The following ASPH variants were observed in gnomAD, a reference collection of about 807,000 sequenced individuals.
ASPH encodes aspartate beta-hydroxylase.
ASPH carries 100 observed loss-of-function variants against 118.4 expected under a neutral mutation model. The ratio of observed to expected loss-of-function variants is 0.84; its 90% CI spans 0.72 to 1.00. The LOEUF (loss-of-function observed/expected upper bound fraction) is 1.00. Among genes scored for constraint, ASPH ranks in the 50% least tolerant of loss-of-function variants. The pLI is 0.00. For missense variants in ASPH, 920 were observed against 919.5 expected (o/e 1.00, Z -0.01); for synonymous variants, 315 against 325.6 (o/e 0.97, Z 0.35).
intron 21 of ASPH, among the ~76,000 whole-genome samples, chr8:61,538,038 T>G (rs1382591391): frequency 6.6e-6 from 1 of 152,194 alleles, no homozygotes. Flanking sequence ...GGAACATCCA[T>G]GATGGAAGGC....
At chr8:61,569,692 T>C (rs1425042470) in intron 16 of ASPH, among the ~76,000 whole-genome samples, 1 of 152,128 alleles carries the variant, frequency 6.6e-6, no homozygotes, top group Non-Finnish European at 1.5e-5. Flanking sequence ...GACAGATTTA[T>C]GAGAAAGAAA....
chr8:61,665,012 G>A (rs1818818791), intron 3 of ASPH: 1 of 1,239,510 alleles, frequency 8.1e-7, no homozygotes, highest in Non-Finnish European at 1.0e-6. Flanking sequence ...CTGAATACAT[G>A]ATCAATAAAT....
intron 1 of ASPH, among the ~76,000 whole-genome samples, chr8:61,684,980 AG>A (rs1457565825): frequency 3.3e-5 from 5 of 152,306 alleles, no homozygotes; most frequent in African/African-American, 1.2e-4. Flanking sequence ...ATAAATAAAA[AG>A]AATAAATAAT....
intron 10 of ASPH, among the ~76,000 whole-genome samples, chr8:61,641,466 C>T (rs1253054316): frequency 6.6e-6 from 1 of 152,104 alleles, no homozygotes; most frequent in Non-Finnish European, 1.5e-5. Flanking sequence ...AATCTCAAGA[C>T]CAAATTATTC....
At chr8:61,586,487 T>C (rs1448222062) in intron 14 of ASPH, among the ~76,000 whole-genome samples, 1 of 152,060 alleles carries the variant, frequency 6.6e-6, no homozygotes, top group Non-Finnish European at 1.5e-5. Context: ...ACAACCAAAA[T>C]AAGGGCAAAG....
chr8:61,655,960 A>C (rs1050834828), intron 3 of ASPH, among the ~76,000 whole-genome samples: 1 of 152,200 alleles, frequency 6.6e-6, no homozygotes, highest in Admixed American at 6.5e-5. Context: ...CTAGACTATA[A>C]TTGCTTTAAC....
intron 21 of ASPH, among the ~76,000 whole-genome samples, chr8:61,539,101 C>G (rs943854171): frequency 6.6e-6 from 1 of 151,952 alleles, no homozygotes; most frequent in African/African-American, 2.4e-5. Context: ...ATTAGCCAGG[C>G]GTGGTGGCAG....
At chr8:61,676,356 G>T in intron 3 of ASPH, 1 of 1,537,366 alleles carries the variant, frequency 6.5e-7, no homozygotes, top group South Asian at 1.2e-5. Context: ...AGAAAATAAG[G>T]AGAGCAGTTA....
In ASPH at chr8:61,525,975, A is replaced by G; in HGVS notation, c.1900+2T>C. 1 of 1,613,648 alleles carries G rather than the reference A, an allele frequency of 6.2e-7. No homozygotes were observed. Among genetic ancestry groups the G allele is most frequent in the Non-Finnish European group, 8.5e-7 (1 of 1,179,842 alleles). ...AGAACCATCTAGAAGTCAGAAACTC[A>G]CCTTGCTGCCACAGCGTGAACTGGC... On this transcript the variant is annotated splice_donor_variant, in intron 22 of 24. Coordinates refer to ENST00000379454, the MANE Select transcript of ASPH (RefSeq NM_004318.4). LOFTEE classifies it high-confidence loss of function.
In ASPH at chr8:61,697,326, G is replaced by A. The variant is rs147228737; in HGVS notation, c.104-13138C>T. On this transcript the variant is annotated intron_variant, in intron 1 of 24. Transcript: ENST00000379454. Reference sequence around the variant, plus strand: ...CCCACAGTCAACACAGAATATTCCTGCAGCCCCTGGTCACTAAAACATGTG... The same window carrying A: ...CCCACAGTCAACACAGAATATTCCTACAGCCCCTGGTCACTAAAACATGTG... 7.8e-4 allele frequency among the ~76,000 whole-genome samples: 119 copies of A among 152,258 alleles called. 1 individual carries two copies. The highest frequency in any genetic ancestry group is 2.8e-3 in the African/African-American group (115 of 41,550).
rs991106222 is a variant in ASPH, at chr8:61,675,869, A to T, written c.322+5099T>A. 1.6e-5 allele frequency: 22 copies of T among 1,378,132 alleles called. No individual in the cohort carries two copies. The Middle Eastern group carries it at 8.0e-4, about 50-fold the overall frequency. 85.4% of individuals were successfully genotyped at this position (1,378,132 alleles called of 1,614,324 possible). A position where few individuals can be genotyped will look rare whatever the true frequency, so the allele number is the denominator to read the frequency against. Reference sequence around the variant, plus strand: ...GTAGCTGACTACAAGAATGAGGAGTACCATTTTCTTCAATAGAAGTTGGGG... The same window carrying T: ...GTAGCTGACTACAAGAATGAGGAGTTCCATTTTCTTCAATAGAAGTTGGGG... On this transcript the variant is annotated intron_variant, in intron 3 of 24. Transcript: ENST00000379454.
rs188733595 is a variant in ASPH at position 61,570,895 on chromosome 8, T to C, written c.1150-3577A>G. On this transcript the variant is annotated intron_variant, in intron 16 of 24. Transcript: ENST00000379454. Reference sequence around the variant, plus strand: ...AGTGAATTGAGTTTATATTTTAATATTTTGTGTCCAATGTTCAGGGAACTT... The same window carrying C: ...AGTGAATTGAGTTTATATTTTAATACTTTGTGTCCAATGTTCAGGGAACTT... 3.8e-3 allele frequency among the ~76,000 whole-genome samples: 578 copies of C among 152,360 alleles called. 2 individuals are homozygous for C. The highest frequency in any genetic ancestry group is 5.4e-3 in the Non-Finnish European group (369 of 68,018).
intron 24 of ASPH, among the ~76,000 whole-genome samples, chr8:61,507,960 G>A (rs886328984): frequency 6.6e-6 from 1 of 152,130 alleles, no homozygotes; most frequent in African/African-American, 2.4e-5. Context: ...CTGGAAGCTT[G>A]GCTCACTGTT....
chr8:61,702,544 C>T (rs1389394597), intron 1 of ASPH, among the ~76,000 whole-genome samples: 2 of 152,066 alleles, frequency 1.3e-5, no homozygotes, highest in Non-Finnish European at 2.9e-5. Context: ...CCTTGGCCTC[C>T]CAAAGTGCTG....
At chr8:61,710,994 A>T (rs1395356707) in intron 1 of ASPH, among the ~76,000 whole-genome samples, 2 of 152,174 alleles carry the variant, frequency 1.3e-5, no homozygotes, top group Non-Finnish European at 2.9e-5. Context: ...TGCTCAATCT[A>T]CTGAGACACC....
intron 10 of ASPH, 31 bp downstream of exon 10, chr8:61,642,857 G>GAAAAAAAAAAAAAAAAAAA: frequency 1.9e-6 from 2 of 1,049,882 alleles, no homozygotes; most frequent in Admixed American, 4.3e-5. Flanking sequence ...AAAAAAAAAA[G>GAAAAAAAAAAAAAAAAAAA]AAAAAAAAAA....
At chr8:61,509,619 C>T (rs1396278446) in intron 24 of ASPH, among the ~76,000 whole-genome samples, 3 of 152,150 alleles carry the variant, frequency 2.0e-5, no homozygotes, top group Non-Finnish European at 4.4e-5. Context: ...AATGCCTTAA[C>T]CATCTGGGAA....
chr8:61,618,256 C>G (rs1849707686), intron 14 of ASPH, among the ~76,000 whole-genome samples: 1 of 152,136 alleles, frequency 6.6e-6, no homozygotes. Context: ...TATGTAGATA[C>G]TGCTTTCATC....
chr8:61,514,729 A>G (rs1462737409), intron 24 of ASPH, among the ~76,000 whole-genome samples: 1 of 151,820 alleles, frequency 6.6e-6, no homozygotes, highest in Non-Finnish European at 1.5e-5. Context: ...CAAAACAAAA[A>G]CAAAAAAACT....
Sources: allele counts gnomAD v4.1 joint callset (sites outside exome capture counted in the v4.1 genomes callset), GRCh38; gene constraint gnomAD v4.1.1; transcripts MANE v1.5; gene names NCBI Gene and HGNC (gene_info 2026-07-23, HGNC 2026-07-21).